SNX4: variants seen among roughly 807,000 people sequenced by gnomAD.
SNX4 encodes the protein sorting nexin 4, also known as sorting nexin-4.
A neutral mutation model predicts 70.8 loss-of-function variants in SNX4; 49 were observed. That is an observed-to-expected ratio of 0.69 (90% CI 0.55 to 0.88). The LOEUF is 0.88. Ranked by LOEUF, SNX4 falls within the 40% of genes least tolerant of loss-of-function variation. The pLI, the probability that SNX4 is intolerant of heterozygous loss-of-function variation, is 0.00. For synonymous variants in SNX4, 206 were observed against 183.8 expected (o/e 1.12, Z -0.98); for missense variants, 528 against 544.8 (o/e 0.97, Z 0.31).
intron 9 of SNX4, among the ~76,000 whole-genome samples, chr3:125,461,947 C>T (rs1481370283): frequency 6.6e-6 from 1 of 152,168 alleles, no homozygotes; most frequent in Non-Finnish European, 1.5e-5. Context: ...GCCACAGCGC[C>T]CGGCCATTTT....
At position 125,455,129 on chromosome 3, in the gene SNX4, A is replaced by G. The variant is rs1933677977; in HGVS notation, c.1045-1174T>C. On this transcript the variant is annotated intron_variant, in intron 11 of 13. Transcript: ENST00000251775. ...TTTTTGGTAAAGACAGGGTCTAGCT[A>G]TATTAATCCACACTGGTCTCAAATT... 2.6e-5 allele frequency among the ~76,000 whole-genome samples: 4 copies of G among 152,198 alleles called. No individual in the cohort carries two copies. In the South Asian group the frequency reaches 6.2e-4, roughly 24 times the overall value.
intron 7 of SNX4, among the ~76,000 whole-genome samples, chr3:125,478,036 T>TTCC (rs201937133): frequency 1.3e-4 from 19 of 144,448 alleles, no homozygotes; most frequent in African/African-American, 2.6e-4. Context: ...AGGATGTCAT[T>TTCC]TCCTCCTCCT....
intron 13 of SNX4, among the ~76,000 whole-genome samples, chr3:125,449,775 G>A (rs1933527363): frequency 6.6e-6 from 1 of 152,156 alleles, no homozygotes; most frequent in Admixed American, 6.5e-5. Context: ...TAAACAAAAC[G>A]GAGGGGGAAA....
intron 5 of SNX4, among the ~76,000 whole-genome samples, chr3:125,492,635 T>A (rs1331737504): frequency 6.6e-6 from 1 of 152,218 alleles, no homozygotes; most frequent in Non-Finnish European, 1.5e-5. Flanking sequence ...ATACTACTTA[T>A]CACTATTTTA....
chr3:125,518,958 A>G (rs897829241), intron 1 of SNX4, among the ~76,000 whole-genome samples: 4 of 152,096 alleles, frequency 2.6e-5, no homozygotes, highest in Admixed American at 6.6e-5. Flanking sequence ...GGTTGCAGTG[A>G]GCCGAGATCG....
At chr3:125,519,860 C>T (rs1935364875) in intron 1 of SNX4, among the ~76,000 whole-genome samples, 172 bp downstream of exon 1, 1 of 152,146 alleles carries the variant, frequency 6.6e-6, no homozygotes, top group Non-Finnish European at 1.5e-5. Context: ...TCCACTGAGC[C>T]TCCTCTCACT....
intron 12 of SNX4, among the ~76,000 whole-genome samples, chr3:125,452,615 C>T (rs1933603417): frequency 6.6e-6 from 1 of 151,886 alleles, no homozygotes; most frequent in Non-Finnish European, 1.5e-5. Flanking sequence ...AAATTAAAAT[C>T]CCGAGAGGTA....
rs1934296398 is a variant in SNX4, at chr3:125,476,706, AC to A, written c.776del (p.Gly259ValfsTer10). 6.3e-7 allele frequency: 1 copy of A among 1,592,006 alleles called. No homozygotes were observed. The highest frequency in any genetic ancestry group is 8.6e-7 in the Non-Finnish European group (1 of 1,162,562). On this transcript the variant is annotated frameshift_variant, in exon 8 of 14. Transcript: ENST00000251775. LOFTEE classifies it high-confidence loss of function. ...YGVYKVHGNY[G>X]RVFSEWSAIE... ...TGTATGATGCTTACCTGAAAACTCG[AC>A]CATAATTCCCATGTACTTTATATAC...
intron 11 of SNX4, among the ~76,000 whole-genome samples, chr3:125,454,279 G>A (rs1277463868): frequency 7.9e-5 from 12 of 152,196 alleles, no homozygotes; most frequent in Admixed American, 6.5e-4. Flanking sequence ...CATAGCAGGA[G>A]GCAAGCGACC....
intron 6 of SNX4, among the ~76,000 whole-genome samples, chr3:125,484,992 G>A (rs1445893244): frequency 3.3e-5 from 5 of 151,980 alleles, no homozygotes; most frequent in Admixed American, 1.3e-4. Flanking sequence ...GCTTGAACCC[G>A]GGAGGCGGAG....
At chr3:125,500,006 G>A (rs1162509099) in intron 2 of SNX4, among the ~76,000 whole-genome samples, 1 of 151,960 alleles carries the variant, frequency 6.6e-6, no homozygotes, top group East Asian at 1.9e-4. Flanking sequence ...GTTGCACTGA[G>A]CTGAGATCGC....
At chr3:125,486,229 C>T (rs1202115295) in intron 6 of SNX4, among the ~76,000 whole-genome samples, 1 of 152,210 alleles carries the variant, frequency 6.6e-6, no homozygotes, top group Non-Finnish European at 1.5e-5. Flanking sequence ...CTGCCCCAAA[C>T]TCAGCATAAC....
chr3:125,448,669 CTT>C (rs921502028), intron 13 of SNX4, among the ~76,000 whole-genome samples: 4 of 95,372 alleles, frequency 4.2e-5, no homozygotes, highest in Admixed American at 1.3e-4. Flanking sequence ...GGGTTTTTTC[CTT>C]TTTTTTTTTT....
intron 1 of SNX4, among the ~76,000 whole-genome samples, chr3:125,511,812 G>C (rs1935179907): frequency 6.6e-6 from 1 of 152,068 alleles, no homozygotes; most frequent in African/African-American, 2.4e-5. Flanking sequence ...GTGCAGCAAA[G>C]GGTACAAGAA....
chr3:125,512,387 T>C (rs1315648632), intron 1 of SNX4, among the ~76,000 whole-genome samples: 3 of 152,048 alleles, frequency 2.0e-5, no homozygotes, highest in Non-Finnish European at 4.4e-5. Context: ...TACCATCCAG[T>C]TACAAAGAAG....
intron 1 of SNX4, among the ~76,000 whole-genome samples, chr3:125,510,375 C>T (rs1189514720): frequency 5.9e-5 from 9 of 151,972 alleles, no homozygotes; most frequent in Non-Finnish European, 8.8e-5. Flanking sequence ...GGACTACAGG[C>T]GCCCGCCACA....
chr3:125,507,619 A>G (rs1935078845), intron 1 of SNX4, among the ~76,000 whole-genome samples: 1 of 152,256 alleles, frequency 6.6e-6, no homozygotes, highest in Non-Finnish European at 1.5e-5. Context: ...TGACAGCAGC[A>G]AGACAGAAGC....
At chr3:125,509,996 G>A (rs1935136522) in intron 1 of SNX4, among the ~76,000 whole-genome samples, 1 of 152,126 alleles carries the variant, frequency 6.6e-6, no homozygotes, top group Admixed American at 6.5e-5. Context: ...GAACCCTCGT[G>A]CCCTATTGGC....
rs1350690119 is a variant in SNX4, at chr3:125,498,167, A to G, written c.291T>C (p.Ser97=). ...GCCGCCATAGTGAGTCTGTTAGGAC[A>G]CTCTGACCATCGGTATGTTCAACTG... The part of the protein sequence containing the change: ...TRSVEHTDGQ[S]VLTDSLWRRY... The change falls in exon 3 of 14, where the codon AGT becomes AGC. Residue 97 remains serine, a synonymous_variant. Coordinates refer to ENST00000251775, the MANE Select transcript of SNX4 (RefSeq NM_003794.4). 2 of 1,613,870 alleles carry G rather than the reference A, an allele frequency of 1.2e-6. No homozygotes were observed. The highest frequency in any genetic ancestry group is 1.7e-6 in the Non-Finnish European group (2 of 1,179,948).
Sources: allele counts gnomAD v4.1 joint callset (sites outside exome capture counted in the v4.1 genomes callset), GRCh38; gene constraint gnomAD v4.1.1; transcripts MANE v1.5; gene names NCBI Gene and HGNC (gene_info 2026-07-23, HGNC 2026-07-21).